The following CLEC7A variants were observed in gnomAD, a reference collection of about 807,000 sequenced individuals.
The protein encoded by CLEC7A is C-type lectin domain containing 7A.
Under a neutral mutation model 26.9 loss-of-function variants are expected in CLEC7A, and 25 were observed. The observed-to-expected ratio is 0.93, with a 90% confidence interval of 0.68 to 1.30. CLEC7A has a LOEUF of 1.30. Among genes scored for constraint, CLEC7A ranks in the 50% most tolerant of loss-of-function variants. The pLI, the probability that CLEC7A is intolerant of heterozygous loss-of-function variation, is 0.00. For missense variants in CLEC7A, 275 were observed against 286.7 expected (o/e 0.96, Z 0.29); for synonymous variants, 100 against 99.5 (o/e 1.01, Z -0.03).
In CLEC7A at chr12:10,124,462, G is replaced by T. The variant is rs150672063; in HGVS notation, c.492+835C>A. Among the ~76,000 whole-genome samples the T allele has an allele frequency of 1.1e-3, 170 of 152,138 alleles. 1 individual carries two copies. Among genetic ancestry groups the T allele is most frequent in the African/African-American group, 4.0e-3 (167 of 41,504 alleles). ...TTCTGAAAACTTCTTAGGAACACGG[G>T]GATCTCTTTAAACTCCTATAGAATT... On this transcript the variant is annotated intron_variant, in intron 4 of 5. Coordinates refer to ENST00000304084, the MANE Select transcript of CLEC7A (RefSeq NM_197947.3).
chr12:10,122,425 A>T (rs1245522785), intron 5 of CLEC7A, among the ~76,000 whole-genome samples: 1 of 151,554 alleles, frequency 6.6e-6, no homozygotes, highest in African/African-American at 2.4e-5. Context: ...ACTGTGCTAA[A>T]TTATTTTACT....
intron 3 of CLEC7A, 145 bp from the exon 4 acceptor site, chr12:10,125,593 A>G (rs1368667319): frequency 3.3e-6 from 2 of 601,050 alleles, no homozygotes; most frequent in Admixed American, 3.5e-5. Flanking sequence ...CTACAGGGAT[A>G]TGATTTTACA....
intron 5 of CLEC7A, among the ~76,000 whole-genome samples, chr12:10,119,470 C>CA (rs1565618848): frequency 6.6e-6 from 1 of 151,926 alleles, no homozygotes; most frequent in African/African-American, 2.4e-5. Flanking sequence ...ACCCGGAAAA[C>CA]AAAAAAGTAG....
At chr12:10,126,975 G>A in intron 2 of CLEC7A, 1 of 1,194,118 alleles carries the variant, frequency 8.4e-7, no homozygotes, top group Non-Finnish European at 1.1e-6. Flanking sequence ...GAGGGAGGCA[G>A]CAAGAGGCAA....
At chr12:10,129,189 G>A (rs1255413235) in intron 1 of CLEC7A, among the ~76,000 whole-genome samples, 1 of 151,842 alleles carries the variant, frequency 6.6e-6, no homozygotes, top group Non-Finnish European at 1.5e-5. Context: ...TTCCATCACT[G>A]GTATACCAAT....
rs1226855966 is a variant in CLEC7A, at chr12:10,130,131, T to C, written c.-49A>G. ...ATATAGCATTTGGGAGCTCTTTTCT[T>C]TCTGCTCCTGAGATGACTGTCTGTG... is the stretch of plus-strand genomic sequence containing the variant. On this transcript the variant is annotated 5_prime_UTR_variant, in exon 1 of 6. Transcript: ENST00000304084. 1.1e-6 allele frequency: 1 copy of C among 892,190 alleles called. No individual in the cohort carries two copies. Among genetic ancestry groups the C allele is most frequent in the South Asian group, 1.4e-5 (1 of 72,238 alleles). 55.3% of individuals were successfully genotyped at this position (892,190 alleles called of 1,614,324 possible).
intron 1 of CLEC7A, 84 bp downstream of exon 1, chr12:10,129,896 G>A: frequency 1.3e-6 from 1 of 774,876 alleles, no homozygotes; most frequent in East Asian, 2.7e-5. Flanking sequence ...GGGATTACAG[G>A]TGTGAGCCAC....
intron 2 of CLEC7A, 53 bp from the exon 3 acceptor site, chr12:10,126,761 T>C: frequency 6.8e-7 from 1 of 1,475,384 alleles, no homozygotes; most frequent in Non-Finnish European, 9.2e-7. Flanking sequence ...TTCTGCTGTG[T>C]TTGAAAATTA....
intron 3 of CLEC7A, 87 bp downstream of exon 3, chr12:10,126,484 T>C: frequency 6.7e-7 from 1 of 1,481,678 alleles, no homozygotes; most frequent in East Asian, 2.4e-5. Context: ...TGAATCTAAG[T>C]GTTTTTCTTT....
chr12:10,126,503 G>A, intron 3 of CLEC7A, 68 bp downstream of exon 3: 2 of 1,515,674 alleles, frequency 1.3e-6, no homozygotes, highest in South Asian at 2.6e-5. Flanking sequence ...TTACACCCCT[G>A]CCCCAGGCTT....
chr12:10,128,390 G>A (rs551061066), intron 1 of CLEC7A, among the ~76,000 whole-genome samples: 4 of 151,986 alleles, frequency 2.6e-5, no homozygotes, highest in East Asian at 1.9e-4. Flanking sequence ...TTGTAATTTC[G>A]GCACATTGGC....
chr12:10,129,394 T>A (rs191295657), intron 1 of CLEC7A, among the ~76,000 whole-genome samples: 16 of 152,318 alleles, frequency 1.1e-4, no homozygotes, highest in African/African-American at 3.8e-4. Context: ...TCCTCACTGA[T>A]GAAATGTCTA....
intron 1 of CLEC7A, among the ~76,000 whole-genome samples, chr12:10,128,237 C>G (rs1948369353): frequency 6.9e-6 from 1 of 144,426 alleles, no homozygotes; most frequent in African/African-American, 2.9e-5. Flanking sequence ...CACACACACA[C>G]ACACACACAC....
At chr12:10,128,589 G>T (rs934401915) in intron 1 of CLEC7A, among the ~76,000 whole-genome samples, 1 of 152,036 alleles carries the variant, frequency 6.6e-6, no homozygotes, top group Non-Finnish European at 1.5e-5. Flanking sequence ...TACTCCCTTT[G>T]TTGTTTTTTA....
intron 4 of CLEC7A, 124 bp downstream of exon 4, chr12:10,125,171 ACT>A: frequency 1.1e-6 from 1 of 891,592 alleles, no homozygotes; most frequent in Non-Finnish European, 1.7e-6. Context: ...ACAGAGTGAG[ACT>A]CTGCCTCAAA....
At chr12:10,127,329 T>C (rs565530014) in intron 2 of CLEC7A, 496 of 1,539,144 alleles carry the variant, frequency 3.2e-4, no homozygotes, top group Non-Finnish European at 4.2e-4. Flanking sequence ...TAGCTTAATG[T>C]CCATTTAGTG....
rs138607909 is a variant in CLEC7A, at chr12:10,120,630, T to G, written c.612-2040A>C. 1.6e-3 allele frequency among the ~76,000 whole-genome samples: 239 copies of G among 151,578 alleles called. 4 individuals are homozygous for G. In the East Asian group the frequency reaches 0.035, roughly 22 times the overall value. On this transcript the variant is annotated intron_variant, in intron 5 of 5. Coordinates refer to ENST00000304084, the MANE Select transcript of CLEC7A (RefSeq NM_197947.3). ...TTTTGTAGAGATGGGGTTTCACCAT[T>G]TTGGCCAGGCTGGTATCGAACTCCA... is the stretch of plus-strand genomic sequence containing the variant.
chr12:10,126,279 A>G, intron 3 of CLEC7A: 1 of 982,474 alleles, frequency 1.0e-6, no homozygotes, highest in Non-Finnish European at 1.2e-6. Flanking sequence ...GTATCAAATT[A>G]TATGATCTCC....
chr12:10,129,888 G>A, intron 1 of CLEC7A, 92 bp downstream of exon 1: 1 of 719,064 alleles, frequency 1.4e-6, no homozygotes. Context: ...AAAGTGCTGG[G>A]ATTACAGGTG....
Sources: gnomAD v4.1 joint callset for allele counts (sites outside exome capture counted in the v4.1 genomes callset) on GRCh38, gnomAD v4.1.1 for gene constraint, MANE v1.5 for transcripts, NCBI Gene and HGNC (gene_info 2026-07-23, HGNC 2026-07-21) for gene names.